Variants in PXDC1 observed in about 807,000 individuals in gnomAD.
PXDC1 encodes the protein PX domain-containing protein 1.
PXDC1 carries 13 observed loss-of-function variants against 24.4 expected under a neutral mutation model. That is an observed-to-expected ratio of 0.53 (90% confidence interval 0.35 to 0.85). The LOEUF (loss-of-function observed/expected upper bound fraction) is 0.85. PXDC1 is among the 40% of genes least tolerant of loss of function. PXDC1 has a pLI of 0.01. For synonymous variants in PXDC1, 162 were observed against 124.9 expected, an observed-to-expected ratio of 1.30 and a Z score of -1.98; for missense variants, 344 against 309.3, an observed-to-expected ratio of 1.11 and a Z score of -0.84.
rs35315825 is a variant in PXDC1, at chr6:3,729,980, C to T, written c.467-2318G>A. ...TCTATAAAACGGAGTCATTACCAGTCCCCCAAAAAATAGATTTGTAAGCAA... is the reference window on the plus strand; with the variant it reads ...TCTATAAAACGGAGTCATTACCAGTTCCCCAAAAAATAGATTTGTAAGCAA... On this transcript the variant is annotated intron_variant, in intron 3 of 4. Transcript: ENST00000380283. 4.0e-3 allele frequency among the ~76,000 whole-genome samples: 609 copies of T among 152,292 alleles called. 3 individuals carry two copies. The highest frequency in any genetic ancestry group is 7.4e-3 in the Non-Finnish European group (501 of 68,024).
intron 1 of PXDC1, among the ~76,000 whole-genome samples, chr6:3,739,513 A>C (rs552021676): frequency 7.2e-5 from 11 of 152,360 alleles, no homozygotes; most frequent in African/African-American, 2.6e-4. Context: ...CAAGGGTCCA[A>C]GAGGGGCAGG....
chr6:3,751,608 T>C lies in PXDC1; in HGVS notation c.-77A>G. On this transcript the variant is annotated 5_prime_UTR_variant, in exon 1 of 5. Coordinates refer to ENST00000380283, the MANE Select transcript of PXDC1 (RefSeq NM_183373.4). ...CGCAGGAGGCGCGCCCCGGCCGGGG[T>C]CGTCCCGGGTCTGTCCGTGGCCGGG... The C allele has an allele frequency of 2.1e-6, 3 of 1,397,638 alleles. No homozygotes were observed. The South Asian group carries it at 4.7e-5, about 22-fold the overall frequency. 86.6% of individuals were successfully genotyped at this position (1,397,638 alleles called of 1,614,324 possible). A position where few individuals can be genotyped will look rare whatever the true frequency, so the allele number is the denominator to read the frequency against.
chr6:3,735,975 C>A (rs1293244519), intron 3 of PXDC1, among the ~76,000 whole-genome samples: 3 of 152,200 alleles, frequency 2.0e-5, no homozygotes, highest in Non-Finnish European at 4.4e-5. Flanking sequence ...CCTGCGCACA[C>A]ACAATCCTAT....
At position 3,724,836 on chromosome 6, in the gene PXDC1, G is replaced by A. The variant is rs907076512; in HGVS notation, c.579-1100C>T. Among the ~76,000 whole-genome samples, 2 of 152,212 alleles carry A rather than the reference G, an allele frequency of 1.3e-5. No individual in the cohort carries two copies. The highest frequency in any genetic ancestry group is 2.1e-4 in the South Asian group (1 of 4,836). ...CCCCCACAAACCTAGTACATCGTGCGAATCCCGCTGACCTCAAGGGACAGG... is the reference window on the plus strand; with the variant it reads ...CCCCCACAAACCTAGTACATCGTGCAAATCCCGCTGACCTCAAGGGACAGG... On this transcript the variant is annotated intron_variant, in intron 4 of 4. Transcript: ENST00000380283. The surrounding 1 kb of genome is among the most constrained non-coding windows in gnomAD (Gnocchi z 4.5).
chr6:3,746,950 G>A (rs1250691423), intron 1 of PXDC1, among the ~76,000 whole-genome samples: 2 of 152,142 alleles, frequency 1.3e-5, no homozygotes, highest in East Asian at 3.8e-4. Context: ...CCAGTCCCCT[G>A]GTACTCGGAT....
At chr6:3,723,960 G>A (rs1642639586) in intron 4 of PXDC1, among the ~76,000 whole-genome samples, 1 of 152,210 alleles carries the variant, frequency 6.6e-6, no homozygotes, top group South Asian at 2.1e-4. Flanking sequence ...AACCCTTAGC[G>A]AGGCCTTCAT....
At chr6:3,735,188 C>T (rs1760287127) in intron 3 of PXDC1, among the ~76,000 whole-genome samples, 3 of 152,228 alleles carry the variant, frequency 2.0e-5, no homozygotes, top group Non-Finnish European at 4.4e-5. Flanking sequence ...AGGCATCACA[C>T]TACACAATTT....
At chr6:3,742,305 C>G (rs1581249730) in intron 1 of PXDC1, among the ~76,000 whole-genome samples, 1 of 152,202 alleles carries the variant, frequency 6.6e-6, no homozygotes, top group African/African-American at 2.4e-5. Context: ...CACCTGTTTA[C>G]CATAAGCAAC....
chr6:3,737,250 T>C lies in PXDC1; in HGVS notation c.349-54A>G. 1.5e-6 allele frequency: 2 copies of C among 1,292,706 alleles called. No individual in the cohort carries two copies. Among genetic ancestry groups the C allele is most frequent in the Non-Finnish European group, 2.2e-6 (2 of 890,130 alleles). 80.1% of individuals were successfully genotyped at this position (1,292,706 alleles called of 1,614,324 possible). A position where few individuals can be genotyped will look rare whatever the true frequency, so the allele number is the denominator to read the frequency against. ...ACGATCAGCCTCTACACGTTGGCCC[T>C]GTCTGTCTACCAAGAGAGGGCCCCG... On this transcript the variant is annotated intron_variant, in intron 2 of 4. Transcript: ENST00000380283. This position sits in a 1 kb window ranked among gnomAD's most constrained non-coding sequence, Gnocchi z 5.5.
chr6:3,751,156 CCT>C (rs1760705964), intron 1 of PXDC1, 118 bp downstream of exon 1: 1 of 809,914 alleles, frequency 1.2e-6, no homozygotes, highest in Non-Finnish European at 1.8e-6. Context: ...CCAAGTGTCC[CCT>C]GTCCAGGGCG....
chr6:3,738,849 C>T, intron 1 of PXDC1: 1 of 1,303,328 alleles, frequency 7.7e-7, no homozygotes, highest in Non-Finnish European at 1.0e-6. Context: ...ATGAGAAGCG[C>T]AGAGCAGAAG....
intron 4 of PXDC1, among the ~76,000 whole-genome samples, chr6:3,726,813 C>T (rs535993288): frequency 4.6e-5 from 7 of 152,234 alleles, no homozygotes; most frequent in East Asian, 1.9e-4. Context: ...GACTCTCAAG[C>T]GGGATGTTTT....
intron 3 of PXDC1, among the ~76,000 whole-genome samples, chr6:3,732,974 G>T (rs376939009): frequency 1.3e-5 from 2 of 152,252 alleles, no homozygotes; most frequent in East Asian, 3.8e-4. Flanking sequence ...GAAGGACCCT[G>T]CAGGGCCACA....
chr6:3,747,414 G>A (rs1468202944), intron 1 of PXDC1, among the ~76,000 whole-genome samples: 1 of 152,068 alleles, frequency 6.6e-6, no homozygotes, highest in Non-Finnish European at 1.5e-5. Flanking sequence ...TCACCTCTCT[G>A]CTCAGAGCCC....
At chr6:3,731,867 T>C (rs1053038058) in intron 3 of PXDC1, among the ~76,000 whole-genome samples, 7 of 152,222 alleles carry the variant, frequency 4.6e-5, no homozygotes, top group African/African-American at 1.7e-4. Context: ...ACAGTGACGC[T>C]GCATGAGACC....
chr6:3,731,851 C>G (rs571258820), intron 3 of PXDC1, among the ~76,000 whole-genome samples: 60 of 152,284 alleles, frequency 3.9e-4, no homozygotes, highest in African/African-American at 1.4e-3. Flanking sequence ...TTGGCAGGAA[C>G]CCTACACAGT....
Position 3,739,087 on chromosome 6 carries a change from T to C in PXDC1, c.257-939A>G, listed in dbSNP as rs1760397737. Reference sequence around the variant, plus strand: ...TATTATTGGTCACGGAGACTAACTTTTTCAGAAGTTCTGGTCTGATTTTGT... The same window carrying C: ...TATTATTGGTCACGGAGACTAACTTCTTCAGAAGTTCTGGTCTGATTTTGT... On this transcript the variant is annotated intron_variant, in intron 1 of 4. Transcript: ENST00000380283. 4.2e-6 allele frequency: 5 copies of C among 1,179,914 alleles called. No homozygotes were observed. The South Asian group carries it at 6.5e-5, about 15-fold the overall frequency. The allele number at this position is 1,179,914 out of a possible 1,614,324, so 73.1% of individuals were successfully genotyped here.
intron 1 of PXDC1, among the ~76,000 whole-genome samples, chr6:3,745,390 ACT>A (rs1760543231): frequency 6.6e-6 from 1 of 152,154 alleles, no homozygotes; most frequent in South Asian, 2.1e-4. Flanking sequence ...GGTGCTGGGC[ACT>A]CTACGGATAC....
intron 3 of PXDC1, among the ~76,000 whole-genome samples, chr6:3,733,411 T>C (rs1581244465): frequency 6.6e-6 from 1 of 152,298 alleles, no homozygotes; most frequent in Admixed American, 6.5e-5. Context: ...AAAACACTCC[T>C]GAAGGGAGGT....
Sources: allele counts gnomAD v4.1 joint callset (sites outside exome capture counted in the v4.1 genomes callset), GRCh38; gene constraint gnomAD v4.1.1; non-coding constraint Gnocchi (gnomAD v3.1); transcripts MANE v1.5; gene names NCBI Gene and HGNC (gene_info 2026-07-23, HGNC 2026-07-21).